TRAPPC11: variants seen among roughly 807,000 people sequenced by gnomAD.
TRAPPC11 encodes the protein trafficking protein particle complex subunit 11, also known as foie gras homolog.
A neutral mutation model predicts 151.2 loss-of-function variants in TRAPPC11; 104 were observed. That is an observed-to-expected ratio of 0.69 (90% CI 0.59 to 0.81). The LOEUF (loss-of-function observed/expected upper bound fraction) is 0.81. Among genes scored for constraint, TRAPPC11 ranks in the 30% least tolerant of loss-of-function variants. The pLI is 0.00. For missense variants in TRAPPC11, 1,230 were observed against 1,349.6 expected, an observed-to-expected ratio of 0.91 and a Z score of 1.39; for synonymous variants, 456 against 472.3, an observed-to-expected ratio of 0.97 and a Z score of 0.45.
Position 183,693,630 on chromosome 4 carries a change from A to G in TRAPPC11, c.2279A>G (p.His760Arg). Residue 760 changes from histidine to arginine, a missense_variant, in exon 21 of 30, where the codon CAT becomes CGT. His to Arg is a conservative substitution (Grantham distance 29). Transcript: ENST00000334690. ...RVPNISVHLL[H>R]EPPALTNEMY... ...CCAAACATTTCTGTACATCTGCTAC[A>G]TGAACCCCCTGCACTGACTAATGAA... The G allele has an allele frequency of 6.2e-7, 1 of 1,614,072 alleles. No homozygotes were observed. The highest frequency in any genetic ancestry group is 8.5e-7 in the Non-Finnish European group (1 of 1,180,014).
intron 19 of TRAPPC11, 129 bp from the exon 20 acceptor site, chr4:183,692,831 C>T: frequency 1.3e-6 from 1 of 770,112 alleles, no homozygotes; most frequent in Non-Finnish European, 2.0e-6. Flanking sequence ...GGTGTTCTCA[C>T]TTCTGTCACA....
intron 25 of TRAPPC11, among the ~76,000 whole-genome samples, chr4:183,699,808 C>T (rs945735709): frequency 6.6e-6 from 1 of 152,010 alleles, no homozygotes; most frequent in Non-Finnish European, 1.5e-5. Context: ...ACTTCTTTGT[C>T]ACAAATTGAC....
chr4:183,663,270 G>A (rs573492397), intron 1 of TRAPPC11, among the ~76,000 whole-genome samples: 1 of 152,114 alleles, frequency 6.6e-6, no homozygotes, highest in African/African-American at 2.4e-5. Flanking sequence ...GTCTCCCTCT[G>A]TCATCCAGGC....
intron 8 of TRAPPC11, 118 bp downstream of exon 8, chr4:183,677,672 A>T (rs1014187094): frequency 1.5e-6 from 1 of 649,534 alleles, no homozygotes; most frequent in Non-Finnish European, 2.7e-6. Flanking sequence ...ATTAATTATG[A>T]TCTCCCCTTT....
chr4:183,673,627 T>C (rs1157965439), intron 5 of TRAPPC11, among the ~76,000 whole-genome samples: 1 of 152,076 alleles, frequency 6.6e-6, no homozygotes, highest in Non-Finnish European at 1.5e-5. Context: ...TGAGACTTGA[T>C]TGCACCACTG....
At chr4:183,681,509 G>A (rs1054870440) in intron 10 of TRAPPC11, among the ~76,000 whole-genome samples, 5 of 152,252 alleles carry the variant, frequency 3.3e-5, no homozygotes, top group East Asian at 1.9e-4. Context: ...GGCCGGGTGC[G>A]GTGGCTCACG....
At chr4:183,684,270 T>G (rs1561044127) in intron 13 of TRAPPC11, 35 bp from the exon 14 acceptor site, 1 of 1,610,978 alleles carries the variant, frequency 6.2e-7, no homozygotes, top group Non-Finnish European at 8.5e-7. Flanking sequence ...TGAATGACTT[T>G]AAGTTACATA....
rs138438962 is a variant in TRAPPC11 at position 183,708,248 on chromosome 4, C to T, written c.3190-159C>T. Among the ~76,000 whole-genome samples, 966 of 152,252 alleles carry T rather than the reference C, an allele frequency of 6.3e-3. 3 individuals carry two copies. The highest frequency in any genetic ancestry group is 0.017 in the Middle Eastern group (5 of 294). On this transcript the variant is annotated intron_variant, in intron 28 of 29. Coordinates refer to ENST00000334690, the MANE Select transcript of TRAPPC11 (RefSeq NM_021942.6). ...CTAAACTCATACTAATTCAGCCCTA[C>T]ACTTTGGAATCTGTTTGGAAGATGG...
chr4:183,662,689 A>G (rs1255968471), intron 1 of TRAPPC11, among the ~76,000 whole-genome samples: 4 of 152,186 alleles, frequency 2.6e-5, no homozygotes, highest in Non-Finnish European at 4.4e-5. Context: ...CAGAAATTCA[A>G]TATTAGCAAT....
chr4:183,707,569 C>T (rs1737137224), intron 28 of TRAPPC11, among the ~76,000 whole-genome samples: 1 of 152,126 alleles, frequency 6.6e-6, no homozygotes, highest in Non-Finnish European at 1.5e-5. Flanking sequence ...CCTCCAAAGT[C>T]AGGAAATACT....
chr4:183,661,064 C>T (rs1275832729), intron 1 of TRAPPC11, among the ~76,000 whole-genome samples: 2 of 152,006 alleles, frequency 1.3e-5, no homozygotes, highest in Non-Finnish European at 2.9e-5. Context: ...TAGACTGTTT[C>T]TTTCTCTGAA....
Position 183,683,693 on chromosome 4 carries a change from G to A in TRAPPC11, c.1208-282G>A, listed in dbSNP as rs77109163. Among the ~76,000 whole-genome samples, 1,364 of 152,202 alleles carry A rather than the reference G, an allele frequency of 9.0e-3. 24 individuals are homozygous for A. The highest frequency in any genetic ancestry group is 0.031 in the African/African-American group (1,297 of 41,498). ...GAAAAAAAGGAAATGATTATCTCCA[G>A]CAAGTGTATCCTCTATAGAGGATGA... On this transcript the variant is annotated intron_variant, in intron 11 of 29. Transcript: ENST00000334690.
At chr4:183,709,480 T>C (rs140242246) in intron 29 of TRAPPC11, among the ~76,000 whole-genome samples, 104 of 152,276 alleles carry the variant, frequency 6.8e-4, no homozygotes, top group African/African-American at 1.9e-3. Context: ...ACCATACTTT[T>C]AAATTGTAAA....
chr4:183,698,186 G>A (rs139445159), intron 25 of TRAPPC11, among the ~76,000 whole-genome samples: 453 of 151,938 alleles, frequency 3.0e-3, no homozygotes, highest in Non-Finnish European at 5.0e-3. Flanking sequence ...CTTGAAATGA[G>A]AAAAGGTATT....
intron 10 of TRAPPC11, among the ~76,000 whole-genome samples, chr4:183,680,677 C>CTTT (rs1735632326): frequency 4.6e-5 from 4 of 86,418 alleles, no homozygotes; most frequent in Non-Finnish European, 6.7e-5. Flanking sequence ...TGTATGGAGA[C>CTTT]TCTTTTTTTT....
intron 3 of TRAPPC11, 41 bp downstream of exon 3, chr4:183,666,467 A>G (rs375209584): frequency 3.1e-6 from 5 of 1,593,362 alleles, no homozygotes; most frequent in South Asian, 2.2e-5. Flanking sequence ...CAGTTTGCAC[A>G]TGTGTGTTAT....
chr4:183,693,988 C>T lies in TRAPPC11; in HGVS notation c.2458C>T (p.Pro820Ser), dbSNP rs767195120. The stretch of plus-strand genomic sequence containing the variant: ...AACAGAACTGTGTGATGAATCCTAC[C>T]CGGCTTTACTCACTGACATTCCTGT... ...HGTELCDESY[P>S]ALLTDIPVGD... The change falls in exon 22 of 30, where the codon CCG (proline) becomes TCG (serine). Residue 820 changes from proline (P) to serine (S), a missense_variant. Physicochemically the swap from Pro to Ser is moderately conservative, Grantham distance 74 (BLOSUM62 -1). Coordinates refer to ENST00000334690, the MANE Select transcript of TRAPPC11 (RefSeq NM_021942.6). 19 of 1,614,034 alleles carry T rather than the reference C, an allele frequency of 1.2e-5. No individual in the cohort carries two copies. The highest frequency in any genetic ancestry group is 1.5e-5 in the Non-Finnish European group (18 of 1,179,934).
chr4:183,708,433 G>A lies in TRAPPC11; in HGVS notation c.3216G>A (p.Thr1072=), dbSNP rs148114592. The change falls in exon 29 of 30, where the codon ACG becomes ACA. Residue 1072 remains threonine (T), a synonymous_variant. Coordinates refer to ENST00000334690, the MANE Select transcript of TRAPPC11 (RefSeq NM_021942.6). The part of the protein sequence containing the change: ...KQIRLRILPG[T]EQEMLYNFYP... The stretch of plus-strand genomic sequence containing the variant: ...TTCGATTACGTATCCTCCCTGGCAC[G>A]GAGCAGGAAATGCTATATAATTTCT... 3.7e-6 allele frequency: 6 copies of A among 1,613,510 alleles called. No homozygotes were observed. The highest frequency in any genetic ancestry group is 1.3e-5 in the African/African-American group (1 of 74,900).
At chr4:183,684,945 A>G (rs1735889501) in intron 15 of TRAPPC11, 104 bp downstream of exon 15, 4 of 1,304,600 alleles carry the variant, frequency 3.1e-6, no homozygotes, top group Non-Finnish European at 4.3e-6. Flanking sequence ...TAATTAGTAT[A>G]CTTTACTATG....
Sources: gnomAD v4.1 joint callset for allele counts (sites outside exome capture counted in the v4.1 genomes callset) on GRCh38, gnomAD v4.1.1 for gene constraint, MANE v1.5 for transcripts, NCBI Gene and HGNC (gene_info 2026-07-23, HGNC 2026-07-21) for gene names.